EIF3G: variants seen among roughly 807,000 people sequenced by gnomAD.
EIF3G encodes the protein eukaryotic translation initiation factor 3 subunit G.
EIF3G carries 10 observed loss-of-function variants against 41.7 expected under a neutral mutation model. That is an observed-to-expected ratio of 0.24 (90% CI 0.15 to 0.41). EIF3G has a LOEUF of 0.41. Among genes scored for constraint, EIF3G ranks in the 10% least tolerant of loss-of-function variants. EIF3G has a pLI of 1.00. For missense variants in EIF3G, 297 were observed against 444.0 expected (o/e 0.67, Z 2.98); for synonymous variants, 204 against 172.5 (o/e 1.18, Z -1.43).
At chr19:10,119,809 C>T in intron 1 of EIF3G, 31 bp downstream of exon 1, 1 of 1,614,224 alleles carries the variant, frequency 6.2e-7, no homozygotes, top group South Asian at 1.1e-5. Flanking sequence ...CCAACCGCTT[C>T]CCGTGCCCCT....
intron 9 of EIF3G, 45 bp downstream of exon 9, chr19:10,115,639 C>A (rs1276803540): frequency 1.2e-6 from 2 of 1,611,056 alleles, no homozygotes; most frequent in South Asian, 2.2e-5. Flanking sequence ...GACCCTAGGA[C>A]AAGTGACCCT....
At chr19:10,117,555 A>C in intron 5 of EIF3G, 1 of 221,644 alleles carries the variant, frequency 4.5e-6, no homozygotes. Context: ...CCCTTATAAA[A>C]CGGGAACCAC....
In EIF3G at chr19:10,115,995, G is replaced by A. The variant is rs755540229; in HGVS notation, c.675C>T (p.Arg225=). The A allele has an allele frequency of 3.7e-5, 59 of 1,613,456 alleles. No individual in the cohort carries two copies. The highest frequency in any genetic ancestry group is 2.9e-4 in the African/African-American group (22 of 74,932). Residue 225 remains arginine (R), a synonymous_variant, in exon 8 of 11, where the codon CGC becomes CGT. Coordinates refer to ENST00000253108, the MANE Select transcript of EIF3G (RefSeq NM_003755.5). ...PPSLRDGASR[R]GESMQPNRRA... is the part of the protein sequence containing the mutation. ...TGCGGTTGGGCTGCATGGACTCCCCGCGGCGGCTGGCCCCGTCGCGCAGGC... is the reference window on the plus strand; with the variant it reads ...TGCGGTTGGGCTGCATGGACTCCCCACGGCGGCTGGCCCCGTCGCGCAGGC...
rs1312017049 is a variant in EIF3G, at chr19:10,116,378, A to G, written c.596-304T>C. On this transcript the variant is annotated intron_variant, in intron 7 of 10. Coordinates refer to ENST00000253108, the MANE Select transcript of EIF3G (RefSeq NM_003755.5). The surrounding 1 kb of genome is among the most constrained non-coding windows in gnomAD (Gnocchi z 4.1). ...CAACGGCAGACATGGGACACACAAC[A>G]GGAACAGCGCCCAGGTCCCCCTCGC... The G allele has an allele frequency of 3.8e-6, 2 of 527,364 alleles. No individual in the cohort carries two copies. The highest frequency in any genetic ancestry group is 6.8e-6 in the Non-Finnish European group (2 of 293,468). The allele number at this position is 527,364 out of a possible 1,614,324, so 32.7% of individuals were successfully genotyped here.
chr19:10,117,427 C>T (rs1468639244), intron 5 of EIF3G: 8 of 518,980 alleles, frequency 1.5e-5, no homozygotes, highest in African/African-American at 3.8e-5. Flanking sequence ...AGCTACACAG[C>T]GTGGGGCCTG....
chr19:10,115,606 G>T (rs374125466), intron 9 of EIF3G, 21 bp from the exon 10 acceptor site: 48 of 1,611,914 alleles, frequency 3.0e-5, no homozygotes, highest in African/African-American at 2.7e-4. Flanking sequence ...GCGGGATGGG[G>T]TCGGGCACGA....
rs374292482 is a variant in EIF3G, at chr19:10,116,067, C to A, written c.603G>T (p.Glu201Asp). Residue 201 changes from glutamate (E) to aspartate (D), a missense_variant, in exon 8 of 11, where the codon GAG (glutamate) becomes GAT (aspartate). Transcript: ENST00000253108. This position sits in a 1 kb window ranked among gnomAD's most constrained non-coding sequence, Gnocchi z 4.1. Reference sequence around the variant, plus strand: ...TCTTGTTCTGCGTGGCCTGCACCGGCTCTAGCTCTGGGGACCAAAAGACAG... The same window carrying A: ...TCTTGTTCTGCGTGGCCTGCACCGGATCTAGCTCTGGGGACCAAAAGACAG... ...GEKEKLPGEL[E>D]PVQATQNKTG... The A allele has an allele frequency of 6.4e-5, 104 of 1,613,796 alleles. No homozygotes were observed. The East Asian group carries it at 1.2e-3, about 19-fold the overall frequency.
intron 10 of EIF3G, 56 bp downstream of exon 10, chr19:10,115,423 G>A (rs769441800): frequency 5.4e-5 from 83 of 1,543,454 alleles, no homozygotes; most frequent in East Asian, 6.8e-5. Flanking sequence ...CCAACACTCC[G>A]TGAAGGTGCT....
chr19:10,118,726 A>G lies in EIF3G; in HGVS notation c.242T>C (p.Ile81Thr), dbSNP rs772919195. Residue 81 changes from isoleucine (I) to threonine (T), a missense_variant and splice_region_variant, in exon 5 of 11, where the codon ATT (isoleucine) becomes ACT (threonine). Coordinates refer to ENST00000253108, the MANE Select transcript of EIF3G (RefSeq NM_003755.5). ...KIDEDGKKFK[I>T]VRTFRIETRK... ...GGTCTCAATCCTGAAGGTGCGGACA[A>G]TCTGAGGATGGGAGGGGAGAAGGGT... The G allele has an allele frequency of 2.5e-6, 4 of 1,613,906 alleles. No individual in the cohort carries two copies. The Admixed American group carries it at 6.7e-5, about 27-fold the overall frequency.
In EIF3G at chr19:10,116,334, A is replaced by G. The variant is rs3826784; in HGVS notation, c.596-260T>C. ...GAGAGGGCGGGAGGACAACAGGGGC[A>G]GCAGCCTCACATGCACAGCAACGGC... On this transcript the variant is annotated intron_variant, in intron 7 of 10. Transcript: ENST00000253108. The surrounding 1 kb of genome is among the most constrained non-coding windows in gnomAD (Gnocchi z 4.1). 0.6 allele frequency: 337,441 copies of G among 559,972 alleles called. 102,804 individuals carry two copies. Among genetic ancestry groups the G allele is most frequent in the East Asian group, 0.72 (23,792 of 33,188 alleles). 34.7% of individuals were successfully genotyped at this position (559,972 alleles called of 1,614,324 possible). A position where few individuals can be genotyped will look rare whatever the true frequency, so the allele number is the denominator to read the frequency against.
intron 5 of EIF3G, 109 bp from the exon 6 acceptor site, chr19:10,117,297 C>A: frequency 1.3e-6 from 1 of 752,174 alleles, no homozygotes; most frequent in Middle Eastern, 3.8e-4. Flanking sequence ...GGGCCTCAAA[C>A]CCCATCTTCA....
At chr19:10,117,217 T>G in intron 5 of EIF3G, 29 bp from the exon 6 acceptor site, 2 of 1,543,068 alleles carry the variant, frequency 1.3e-6, no homozygotes, top group Non-Finnish European at 1.8e-6. Flanking sequence ...GGGGGACAGT[T>G]GAGGGCAGGG....
At chr19:10,119,399 G>T (rs1181751816) in intron 2 of EIF3G, 2 of 746,178 alleles carry the variant, frequency 2.7e-6, no homozygotes, top group Middle Eastern at 4.5e-4. Context: ...CCAACCAGGC[G>T]CCAGTAGAGA....
chr19:10,119,590 A>C, intron 2 of EIF3G, 64 bp downstream of exon 2: 3 of 1,533,772 alleles, frequency 2.0e-6, no homozygotes, highest in Non-Finnish European at 2.6e-6. Context: ...GGGAGATGGA[A>C]GCAGGCGGCA....
In EIF3G at chr19:10,116,510, C is replaced by T. The variant is rs115800812; in HGVS notation, c.595+290G>A. The T allele has an allele frequency of 1.9e-6, 1 of 513,828 alleles. No homozygotes were observed. 31.8% of individuals were successfully genotyped at this position (513,828 alleles called of 1,614,324 possible). ...AGGCATGCAACGGAGACACTATACA[C>T]ACAGTGCGCACACACGATGTGGGGT... On this transcript the variant is annotated intron_variant, in intron 7 of 10. Transcript: ENST00000253108. This position sits in a 1 kb window ranked among gnomAD's most constrained non-coding sequence, Gnocchi z 4.1.
intron 10 of EIF3G, 132 bp downstream of exon 10, chr19:10,115,346 CA>C: frequency 8.3e-7 from 1 of 1,203,188 alleles, no homozygotes; most frequent in South Asian, 1.5e-5. Flanking sequence ...TGGAAAAAAA[CA>C]ATAAAGGACT....
In EIF3G at chr19:10,118,675, C is replaced by T. The variant is rs2089279491; in HGVS notation, c.293G>A (p.Arg98Lys). The T allele has an allele frequency of 1.1e-5, 17 of 1,614,122 alleles. No homozygotes were observed. Among genetic ancestry groups the T allele is most frequent in the Non-Finnish European group, 1.4e-5 (17 of 1,180,020 alleles). Residue 98 changes from arginine to lysine, a missense_variant, in exon 5 of 11, where the codon AGG becomes AAG. Arg to Lys is a conservative substitution (Grantham distance 26). Around this residue, in one of 4 missense-constraint regions of EIF3G, gnomAD observed 147 missense variants for 162.4 expected, o/e 0.91. Transcript: ENST00000253108. Reference protein sequence around the residue: ...ETRKASKAVARRKNWKKFGNS... With the variant: ...ETRKASKAVAKRKNWKKFGNS... ...GGGGAAGAAGAGCCTCACCTTCCTC[C>T]TTGCGACAGCCTTTGAAGCCTTCCG...
At position 10,116,373 on chromosome 19, in the gene EIF3G, A is replaced by T. The variant is rs2145227437; in HGVS notation, c.596-299T>A. 1 of 531,382 alleles carries T rather than the reference A, an allele frequency of 1.9e-6. No homozygotes were observed. The highest frequency in any genetic ancestry group is 3.3e-5 in the East Asian group (1 of 30,762). The allele number at this position is 531,382 out of a possible 1,614,324, so 32.9% of individuals were successfully genotyped here. A position where few individuals can be genotyped will look rare whatever the true frequency, so the allele number is the denominator to read the frequency against. On this transcript the variant is annotated intron_variant, in intron 7 of 10. Coordinates refer to ENST00000253108, the MANE Select transcript of EIF3G (RefSeq NM_003755.5). This position sits in a 1 kb window ranked among gnomAD's most constrained non-coding sequence, Gnocchi z 4.1. The stretch of plus-strand genomic sequence containing the variant: ...CACAGCAACGGCAGACATGGGACAC[A>T]CAACAGGAACAGCGCCCAGGTCCCC...
At chr19:10,119,269 G>A (rs376299606) in intron 2 of EIF3G, 98 bp from the exon 3 acceptor site, 1 of 1,364,508 alleles carries the variant, frequency 7.3e-7, no homozygotes, top group South Asian at 1.2e-5. Flanking sequence ...CAGCAAAAGC[G>A]GAGAAAGGCA....
Sources: allele counts gnomAD v4.1 joint callset, GRCh38; gene constraint gnomAD v4.1.1; regional missense constraint gnomAD v4.1.1; non-coding constraint Gnocchi (gnomAD v3.1); transcripts MANE v1.5; gene names NCBI Gene and HGNC (gene_info 2026-07-23, HGNC 2026-07-21).